PROX1: variants seen among roughly 807,000 people sequenced by gnomAD.
PROX1 encodes prospero homeobox 1.
In PROX1, 7 loss-of-function variants were observed where a neutral mutation model predicts 58.8. The observed-to-expected ratio is 0.12, with a 90% CI of 0.07 to 0.22. The LOEUF (loss-of-function observed/expected upper bound fraction) is 0.22. PROX1 is among the 10% of genes least tolerant of loss of function. The probability of loss-of-function intolerance (pLI) is 1.00; values close to 1 mark genes in which losing one functional copy is unlikely to be tolerated. For missense variants in PROX1, 675 were observed against 927.8 expected (o/e 0.73, Z 3.54); for synonymous variants, 350 against 358.3 (o/e 0.98, Z 0.26).
rs878876112 is a variant in PROX1, at chr1:214,037,796, G to C, written c.*1962G>C. The stretch of plus-strand genomic sequence containing the variant: ...AAAAAAAAGCAGTTTGGATAATCAT[G>C]ACATTGGAATAAAGTGGGAAGGAAA... On this transcript the variant is annotated 3_prime_UTR_variant, in exon 5 of 5. Transcript: ENST00000366958. The C allele has an allele frequency of 6.6e-6, 1 of 152,202 alleles. No homozygotes were observed. Among genetic ancestry groups the C allele is most frequent in the Admixed American group, 6.5e-5 (1 of 15,286 alleles). The allele number at this position is 152,202 out of a possible 1,614,324, so 9.4% of individuals were successfully genotyped here.
intron 4 of PROX1, among the ~76,000 whole-genome samples, chr1:214,013,536 A>T (rs754420875): frequency 3.3e-5 from 5 of 150,766 alleles, no homozygotes; most frequent in Admixed American, 2.0e-4. Flanking sequence ...TATATAAAAT[A>T]CCCAAGAGGA....
chr1:214,009,151 A>G (rs1237286703), intron 3 of PROX1, among the ~76,000 whole-genome samples: 1 of 152,180 alleles, frequency 6.6e-6, no homozygotes, highest in Non-Finnish European at 1.5e-5. Context: ...TAGCCAGATT[A>G]AGGTGTCAGA....
chr1:214,006,442 C>T (rs1663715602), intron 3 of PROX1, among the ~76,000 whole-genome samples: 1 of 152,160 alleles, frequency 6.6e-6, no homozygotes, highest in African/African-American at 2.4e-5. Flanking sequence ...TGGCTGTGCT[C>T]CTTAAGTGGA....
chr1:214,035,900 G>A lies in PROX1; in HGVS notation c.*66G>A. 7.1e-7 allele frequency: 1 copy of A among 1,416,560 alleles called. No homozygotes were observed. Among genetic ancestry groups the A allele is most frequent in the Non-Finnish European group, 9.6e-7 (1 of 1,046,362 alleles). The allele number at this position is 1,416,560 out of a possible 1,614,324, so 87.7% of individuals were successfully genotyped here. On this transcript the variant is annotated 3_prime_UTR_variant, in exon 5 of 5. Coordinates refer to ENST00000366958, the MANE Select transcript of PROX1 (RefSeq NM_001270616.2). Reference sequence around the variant, plus strand: ...TCCCCTTTGGATGTCCAAGTTATATGTGTCTAGATTTTGATTTCATATATA... The same window carrying A: ...TCCCCTTTGGATGTCCAAGTTATATATGTCTAGATTTTGATTTCATATATA...
At chr1:214,025,305 AGCAGAATGAAAGACCCAGGATCAGT>A (rs1664414542) in intron 4 of PROX1, among the ~76,000 whole-genome samples, 1 of 152,188 alleles carries the variant, frequency 6.6e-6, no homozygotes, top group South Asian at 2.1e-4. Flanking sequence ...TCCAAGATAG[AGCAGAATGAAAGACCCAGGATCAGT>A]GCAGAATGAA....
intron 2 of PROX1, among the ~76,000 whole-genome samples, chr1:214,000,881 T>C (rs146329710): frequency 4.6e-5 from 7 of 152,280 alleles, no homozygotes; most frequent in Middle Eastern, 3.4e-3. Context: ...AAGAAATATC[T>C]GGGAATCACA....
At chr1:214,002,507 A>G (rs1663558468) in intron 2 of PROX1, among the ~76,000 whole-genome samples, 1 of 146,590 alleles carries the variant, frequency 6.8e-6, no homozygotes, top group South Asian at 2.1e-4. Flanking sequence ...ATCTGTCTTC[A>G]CAAAGCTATG....
Position 214,038,423 on chromosome 1 carries a change from T to C in PROX1, c.*2589T>C, listed in dbSNP as rs1056162588. ...TTTTTAATCACCATCTTTCAAATCTTAGCTCAACTCTCACCAAGTGAAAAT... is the reference window on the plus strand; with the variant it reads ...TTTTTAATCACCATCTTTCAAATCTCAGCTCAACTCTCACCAAGTGAAAAT... On this transcript the variant is annotated 3_prime_UTR_variant, in exon 5 of 5. Transcript: ENST00000366958. 5.9e-5 allele frequency: 9 copies of C among 152,102 alleles called. No homozygotes were observed. Among genetic ancestry groups the C allele is most frequent in the Admixed American group, 2.6e-4 (4 of 15,276 alleles). 9.4% of individuals were successfully genotyped at this position (152,102 alleles called of 1,614,324 possible).
rs952426606 is a variant in PROX1 at position 214,035,849 on chromosome 1, C to G, written c.*15C>G. On this transcript the variant is annotated 3_prime_UTR_variant, in exon 5 of 5. Coordinates refer to ENST00000366958, the MANE Select transcript of PROX1 (RefSeq NM_001270616.2). Reference sequence around the variant, plus strand: ...TTCATGAGTAGAAATTTCAACAACTCTTTTTGAATGTATGAAGAGTAGCAG... The same window carrying G: ...TTCATGAGTAGAAATTTCAACAACTGTTTTTGAATGTATGAAGAGTAGCAG... 28 of 1,600,974 alleles carry G rather than the reference C, an allele frequency of 1.7e-5. No individual in the cohort carries two copies. The highest frequency in any genetic ancestry group is 2.4e-5 in the Non-Finnish European group (28 of 1,173,198).
upstream of PROX1, chr1:213,987,672 G>T (rs1400531005): frequency 4.2e-5 from 6 of 142,756 alleles, no homozygotes; most frequent in East Asian, 1.1e-3. Context: ...CGGCCCAGGC[G>T]CGGCGATCCA....
chr1:214,025,652 T>C (rs1183828074), intron 4 of PROX1, among the ~76,000 whole-genome samples: 2 of 151,320 alleles, frequency 1.3e-5, no homozygotes, highest in Non-Finnish European at 2.9e-5. Flanking sequence ...AGTTCCAAAA[T>C]TCTGTGATTC....
chr1:213,994,252 G>A (rs1663144726), intron 1 of PROX1, among the ~76,000 whole-genome samples: 1 of 152,190 alleles, frequency 6.6e-6, no homozygotes, highest in East Asian at 1.9e-4. Context: ...TGAACAGGGA[G>A]AGAAAAAATA....
chr1:214,009,169 GT>G (rs923908869), intron 3 of PROX1, among the ~76,000 whole-genome samples: 1 of 152,114 alleles, frequency 6.6e-6, no homozygotes, highest in African/African-American at 2.4e-5. Context: ...AGATTGATTT[GT>G]TTTATACATC....
chr1:214,023,947 A>T (rs1004303467), intron 4 of PROX1, among the ~76,000 whole-genome samples: 3 of 152,210 alleles, frequency 2.0e-5, no homozygotes, highest in Non-Finnish European at 4.4e-5. Context: ...CTGAAAGGTC[A>T]TGGTTTCAAG....
intron 2 of PROX1, among the ~76,000 whole-genome samples, chr1:214,004,217 G>A (rs764070050): frequency 1.2e-4 from 19 of 152,206 alleles, no homozygotes; most frequent in Non-Finnish European, 2.5e-4. Flanking sequence ...AGCCATCCCA[G>A]CTCTGAGTCT....
At chr1:214,007,696 C>T (rs1663764803) in intron 3 of PROX1, among the ~76,000 whole-genome samples, 1 of 152,180 alleles carries the variant, frequency 6.6e-6, no homozygotes, top group Admixed American at 6.5e-5. Flanking sequence ...TCACAATACA[C>T]ATATACATAT....
At position 213,996,772 on chromosome 1, in the gene PROX1, G is replaced by T. The variant is rs548268660; in HGVS notation, c.237G>T (p.Ser79=). Residue 79 remains serine, a synonymous_variant, in exon 2 of 5, where the codon TCG becomes TCT. Transcript: ENST00000366958. ...VLRKLLKRAN[S]YEDAMMPFPG... ...GCAAGCTGCTGAAGAGGGCGAACTCGTATGAAGATGCCATGATGCCTTTTC... is the reference window on the plus strand; with the variant it reads ...GCAAGCTGCTGAAGAGGGCGAACTCTTATGAAGATGCCATGATGCCTTTTC... 1.9e-6 allele frequency: 3 copies of T among 1,614,186 alleles called. No individual in the cohort carries two copies. Among genetic ancestry groups the T allele is most frequent in the Admixed American group, 1.7e-5 (1 of 60,020 alleles).
At chr1:214,030,859 A>G (rs1664624373) in intron 4 of PROX1, 2 of 152,402 alleles carry the variant, frequency 1.3e-5, no homozygotes, top group African/African-American at 4.8e-5. Flanking sequence ...GCAGCCTGCT[A>G]TGTCAGGCTT....
chr1:214,019,854 C>T (rs1433604221), intron 4 of PROX1, among the ~76,000 whole-genome samples: 5 of 152,160 alleles, frequency 3.3e-5, no homozygotes, highest in Non-Finnish European at 5.9e-5. Flanking sequence ...CTTTTTGCTC[C>T]GTTCTTTTGT....
Sources: allele counts gnomAD v4.1 joint callset (sites outside exome capture counted in the v4.1 genomes callset), GRCh38; gene constraint gnomAD v4.1.1; transcripts MANE v1.5; gene names NCBI Gene and HGNC (gene_info 2026-07-23, HGNC 2026-07-21).